The following ARIH1 variants were observed in gnomAD, a reference collection of about 807,000 sequenced individuals.
ARIH1 encodes ariadne RBR E3 ubiquitin protein ligase 1, also known as E3 ubiquitin-protein ligase ARIH1.
In ARIH1, 8 loss-of-function variants were observed where a neutral mutation model predicts 85.0. The observed-to-expected ratio is 0.09, with a 90% CI of 0.06 to 0.17. The LOEUF is 0.17. ARIH1 is among the 10% of genes least tolerant of loss of function. The probability of loss-of-function intolerance (pLI) is 1.00; values close to 1 mark genes in which losing one functional copy is unlikely to be tolerated. For synonymous variants in ARIH1, 238 were observed against 253.6 expected, an observed-to-expected ratio of 0.94 and a Z score of 0.59; for missense variants, 311 against 718.1, an observed-to-expected ratio of 0.43 and a Z score of 6.48.
chr15:72,556,989 C>T (rs1007203480), intron 5 of ARIH1, among the ~76,000 whole-genome samples: 1 of 152,060 alleles, frequency 6.6e-6, no homozygotes, highest in Non-Finnish European at 1.5e-5. Flanking sequence ...AGGTTGATTT[C>T]GTGTGTTTGC....
chr15:72,506,373 A>AAAAAAAAAAAAAAAAGAAAAAG (rs1567342019), intron 1 of ARIH1, among the ~76,000 whole-genome samples: 1 of 150,234 alleles, frequency 6.7e-6, no homozygotes, highest in African/African-American at 2.4e-5. Flanking sequence ...AAAGAAAAAA[A>AAAAAAAAAAAAAAAAGAAAAAG]AAAAGAACTT....
intron 1 of ARIH1, among the ~76,000 whole-genome samples, chr15:72,483,876 A>G (rs2063826262): frequency 6.6e-6 from 1 of 152,054 alleles, no homozygotes; most frequent in Non-Finnish European, 1.5e-5. Flanking sequence ...TAAAATAGAA[A>G]ATTGTAGATT....
intron 11 of ARIH1, among the ~76,000 whole-genome samples, chr15:72,578,100 C>T (rs939878842): frequency 3.3e-5 from 5 of 152,242 alleles, no homozygotes; most frequent in Admixed American, 1.3e-4. Context: ...TCATCTCCAT[C>T]AAGTGGTCTT....
chr15:72,560,937 A>G (rs1049410765), intron 5 of ARIH1, among the ~76,000 whole-genome samples: 7 of 152,228 alleles, frequency 4.6e-5, no homozygotes, highest in African/African-American at 1.4e-4. Flanking sequence ...TATAGTGTTC[A>G]GAAGAGGCCA....
intron 1 of ARIH1, among the ~76,000 whole-genome samples, chr15:72,483,921 C>T (rs1595848327): frequency 6.6e-6 from 1 of 151,868 alleles, no homozygotes; most frequent in East Asian, 1.9e-4. Context: ...CCTGTAATCC[C>T]AGCACTTTGG....
At chr15:72,514,440 C>T (rs1014590054) in intron 1 of ARIH1, among the ~76,000 whole-genome samples, 17 of 151,896 alleles carry the variant, frequency 1.1e-4, no homozygotes, top group Admixed American at 9.2e-4. Flanking sequence ...AATTTCAGAC[C>T]GGGCTCTGTA....
Position 72,580,638 on chromosome 15 carries a change from G to A in ARIH1, c.1216-93G>A, listed in dbSNP as rs1332839694. On this transcript the variant is annotated intron_variant, in intron 11 of 13. Coordinates refer to ENST00000379887, the MANE Select transcript of ARIH1 (RefSeq NM_005744.5). ...TAAAAACCATTCTAACAGGTGTGAA[G>A]TGAGACTTCATTATGGTTTTAATTT... 4.9e-6 allele frequency: 6 copies of A among 1,222,610 alleles called. No individual in the cohort carries two copies. The African/African-American group carries it at 9.1e-5, about 19-fold the overall frequency. 75.7% of individuals were successfully genotyped at this position (1,222,610 alleles called of 1,614,324 possible).
In ARIH1 at chr15:72,592,717, G is replaced by T. The variant is rs1478779682; in HGVS notation, c.*9425G>T. On this transcript the variant is annotated 3_prime_UTR_variant, in exon 14 of 14. Transcript: ENST00000379887. ...CTTCTTTCACTGATAATGCTTTAAA[G>T]ACACGCATACTGTATGTATTAGGAC... 6.6e-6 allele frequency: 1 copy of T among 152,146 alleles called. No individual in the cohort carries two copies. The highest frequency in any genetic ancestry group is 6.5e-5 in the Admixed American group (1 of 15,280). 9.4% of individuals were successfully genotyped at this position (152,146 alleles called of 1,614,324 possible).
intron 1 of ARIH1, among the ~76,000 whole-genome samples, chr15:72,502,907 T>C (rs1296008515): frequency 1.3e-5 from 2 of 152,220 alleles, no homozygotes; most frequent in Admixed American, 6.5e-5. Context: ...TCAAGAATAT[T>C]ATCCTCAACA....
At chr15:72,563,860 T>C (rs901507013) in intron 7 of ARIH1, among the ~76,000 whole-genome samples, 1 of 152,204 alleles carries the variant, frequency 6.6e-6, no homozygotes, top group Non-Finnish European at 1.5e-5. Context: ...GCAAAGGAAA[T>C]GTGCAGGTAA....
chr15:72,479,406 A>G (rs1019909014), intron 1 of ARIH1, among the ~76,000 whole-genome samples: 1 of 151,668 alleles, frequency 6.6e-6, no homozygotes, highest in Non-Finnish European at 1.5e-5. Flanking sequence ...GTTATGCTAA[A>G]TAACTTTTTT....
intron 1 of ARIH1, among the ~76,000 whole-genome samples, chr15:72,508,040 T>A (rs964171241): frequency 1.3e-5 from 2 of 152,156 alleles, no homozygotes; most frequent in Admixed American, 6.5e-5. Flanking sequence ...TGGATGAAAA[T>A]ATATATATTC....
At chr15:72,532,227 TC>T (rs1424520231) in intron 2 of ARIH1, among the ~76,000 whole-genome samples, 4 of 148,450 alleles carry the variant, frequency 2.7e-5, no homozygotes. Flanking sequence ...AAAAGAGAGA[TC>T]CTAAATAACC....
rs2064297092 is a variant in ARIH1 at position 72,582,005 on chromosome 15, CAAAACAGTG to C, written c.1477-65_1477-57del. On this transcript the variant is annotated intron_variant, in intron 12 of 13. Coordinates refer to ENST00000379887, the MANE Select transcript of ARIH1 (RefSeq NM_005744.5). This position sits in a 1 kb window ranked among gnomAD's most constrained non-coding sequence, Gnocchi z 4.6. The stretch of plus-strand genomic sequence containing the variant: ...AGTGTTGAGAGCAGTCTGTAGTCAA[CAAAACAGTG>C]AAAATGGTTTATCTTTTAGCTTTAT... The C allele has an allele frequency of 4.5e-6, 5 of 1,105,810 alleles. No individual in the cohort carries two copies. In the Admixed American group the frequency reaches 9.6e-5, roughly 21 times the overall value. 68.5% of individuals were successfully genotyped at this position (1,105,810 alleles called of 1,614,324 possible).
At chr15:72,491,675 C>G (rs1389916703) in intron 1 of ARIH1, among the ~76,000 whole-genome samples, 1 of 152,134 alleles carries the variant, frequency 6.6e-6, no homozygotes, top group Admixed American at 6.5e-5. Flanking sequence ...TAACCCTTCC[C>G]TCATTCTCTA....
At chr15:72,476,205 A>G (rs1343945921) in intron 1 of ARIH1, among the ~76,000 whole-genome samples, 3 of 152,242 alleles carry the variant, frequency 2.0e-5, no homozygotes, top group African/African-American at 7.2e-5. Context: ...TATTATAAGT[A>G]ACAGTTTTAA....
intron 1 of ARIH1, among the ~76,000 whole-genome samples, chr15:72,476,978 A>C (rs2063797545): frequency 6.6e-6 from 1 of 152,148 alleles, no homozygotes; most frequent in Non-Finnish European, 1.5e-5. Context: ...TTTATTTTCT[A>C]GTTTCTGGCT....
chr15:72,511,346 A>G lies in ARIH1; in HGVS notation c.376-6721A>G, dbSNP rs112153110. 4.2e-3 allele frequency among the ~76,000 whole-genome samples: 645 copies of G among 152,116 alleles called. 3 individuals carry two copies. Among genetic ancestry groups the G allele is most frequent in the Non-Finnish European group, 6.0e-3 (411 of 68,000 alleles). ...AGATGGAGTTTTGCTCTTGTTGTCCAGGCTGGAGTGCAGTGGCGCCATCTT... is the reference window on the plus strand; with the variant it reads ...AGATGGAGTTTTGCTCTTGTTGTCCGGGCTGGAGTGCAGTGGCGCCATCTT... On this transcript the variant is annotated intron_variant, in intron 1 of 13. Coordinates refer to ENST00000379887, the MANE Select transcript of ARIH1 (RefSeq NM_005744.5).
chr15:72,524,872 CTCT>C (rs1403544174), intron 2 of ARIH1, among the ~76,000 whole-genome samples: 1 of 152,078 alleles, frequency 6.6e-6, no homozygotes, highest in Non-Finnish European at 1.5e-5. Context: ...GAATCAACGA[CTCT>C]TAGTAGGATT....
Sources: allele counts gnomAD v4.1 joint callset (sites outside exome capture counted in the v4.1 genomes callset), GRCh38; gene constraint gnomAD v4.1.1; non-coding constraint Gnocchi (gnomAD v3.1); transcripts MANE v1.5; gene names NCBI Gene and HGNC (gene_info 2026-07-23, HGNC 2026-07-21).